CLMN: variants seen among roughly 807,000 people sequenced by gnomAD.
CLMN encodes calmin.
CLMN carries 57 observed loss-of-function variants against 92.7 expected under a neutral mutation model. That is an observed-to-expected ratio of 0.61 (90% CI 0.50 to 0.77). CLMN has a LOEUF of 0.77. Among genes scored for constraint, CLMN ranks in the 30% least tolerant of loss-of-function variants. The probability of loss-of-function intolerance (pLI) is 0.00; values close to 1 mark genes in which losing one functional copy is unlikely to be tolerated. For synonymous variants in CLMN, 466 were observed against 470.6 expected, an observed-to-expected ratio of 0.99 and a Z score of 0.13; for missense variants, 1,158 against 1,237.5, an observed-to-expected ratio of 0.94 and a Z score of 0.96.
intron 1 of CLMN, among the ~76,000 whole-genome samples, chr14:95,265,642 C>T (rs1293337716): frequency 6.6e-6 from 1 of 152,138 alleles, no homozygotes; most frequent in African/African-American, 2.4e-5. Flanking sequence ...TTGCAATTGC[C>T]CAACCATATC....
intron 4 of CLMN, among the ~76,000 whole-genome samples, chr14:95,216,889 C>T (rs935073072): frequency 6.6e-6 from 1 of 152,204 alleles, no homozygotes; most frequent in African/African-American, 2.4e-5. Context: ...GAATCAAGAA[C>T]TCTGTGGGTG....
Position 95,256,338 on chromosome 14 carries a change from T to C in CLMN, c.83-26205A>G, listed in dbSNP as rs899690095. 2.6e-5 allele frequency among the ~76,000 whole-genome samples: 4 copies of C among 152,238 alleles called. No individual in the cohort carries two copies. Among genetic ancestry groups the C allele is most frequent in the South Asian group, 2.1e-4 (1 of 4,832 alleles). On this transcript the variant is annotated intron_variant, in intron 1 of 12. Coordinates refer to ENST00000298912, the MANE Select transcript of CLMN (RefSeq NM_024734.4). This position sits in a 1 kb window ranked among gnomAD's most constrained non-coding sequence, Gnocchi z 4.9. ...CAGGCTTCATGAATGTTTAATGGGA[T>C]GGAACCCTCCTTGTTTTGTCAGCAA...
At chr14:95,228,676 CT>C (rs1897787697) in intron 2 of CLMN, among the ~76,000 whole-genome samples, 2 of 152,146 alleles carry the variant, frequency 1.3e-5, no homozygotes, top group Non-Finnish European at 2.9e-5. Flanking sequence ...ACTCTTGAAC[CT>C]TTTGTTTTGT....
chr14:95,252,371 G>A (rs115760131), intron 1 of CLMN, among the ~76,000 whole-genome samples: 1 of 152,098 alleles, frequency 6.6e-6, no homozygotes, highest in Non-Finnish European at 1.5e-5. Context: ...ATGAGAGCTG[G>A]TATTTACAAA....
chr14:95,312,636 T>C (rs1901591540), intron 1 of CLMN, among the ~76,000 whole-genome samples: 3 of 152,148 alleles, frequency 2.0e-5, no homozygotes, highest in African/African-American at 7.2e-5. Context: ...ATTCCAGCCT[T>C]CCAGGCCCCT....
intron 1 of CLMN, 75 bp from the exon 2 acceptor site, chr14:95,230,208 G>GA: frequency 7.4e-6 from 10 of 1,356,618 alleles, no homozygotes; most frequent in Non-Finnish European, 1.1e-5. Flanking sequence ...TTCCCAAGGG[G>GA]AGATTCTAGG....
At chr14:95,264,960 G>C (rs1382742330) in intron 1 of CLMN, among the ~76,000 whole-genome samples, 2 of 144,884 alleles carry the variant, frequency 1.4e-5, no homozygotes, top group East Asian at 4.0e-4. Flanking sequence ...AAAAAAATTA[G>C]CCAGGTGTGG....
intron 1 of CLMN, among the ~76,000 whole-genome samples, chr14:95,235,967 T>C (rs1266070855): frequency 6.6e-6 from 1 of 152,184 alleles, no homozygotes; most frequent in Non-Finnish European, 1.5e-5. Context: ...AAAGCCCACC[T>C]TCCCTCTGCC....
intron 1 of CLMN, among the ~76,000 whole-genome samples, chr14:95,253,208 C>A (rs1387724905): frequency 1.3e-5 from 2 of 152,214 alleles, no homozygotes; most frequent in Non-Finnish European, 1.5e-5. Context: ...AGGAAGGAAG[C>A]TTCTGCCTGC....
rs148831726 is a variant in CLMN, at chr14:95,193,906, T to C, written c.2783A>G (p.Tyr928Cys). ...HRSSESDHFS[Y>C]VQLRNAADLD... ...ATCTGCTGCGTTCCTCAACTGAACA[T>C]AGCTAAAATGATCCTACAGTGAAAT... is the stretch of plus-strand genomic sequence containing the variant. Residue 928 changes from tyrosine to cysteine, a missense_variant, in exon 12 of 13, where the codon TAT becomes TGT. Tyr to Cys is a radical substitution (Grantham distance 194). Transcript: ENST00000298912. 6,311 of 1,613,880 alleles carry C rather than the reference T, an allele frequency of 3.9e-3. 12 individuals are homozygous for C. Among genetic ancestry groups the C allele is most frequent in the Non-Finnish European group, 4.9e-3 (5,804 of 1,179,958 alleles).
At chr14:95,226,232 A>G (rs1897706763) in intron 2 of CLMN, among the ~76,000 whole-genome samples, 1 of 152,226 alleles carries the variant, frequency 6.6e-6, no homozygotes, top group Non-Finnish European at 1.5e-5. Context: ...ATCTATGCAC[A>G]TCCTCCCATA....
chr14:95,268,822 T>A (rs1476050998), intron 1 of CLMN, among the ~76,000 whole-genome samples: 2 of 118,192 alleles, frequency 1.7e-5, no homozygotes, highest in Admixed American at 8.8e-5. Context: ...TTTTTTTTTT[T>A]AGACAGAGTC....
At chr14:95,292,582 G>C (rs61982975) in intron 1 of CLMN, among the ~76,000 whole-genome samples, 25,793 of 151,708 alleles carry the variant, frequency 0.17, 2,390 homozygotes, top group Middle Eastern at 0.29. Flanking sequence ...ATAACTTCAG[G>C]TCAAAAGCCT....
chr14:95,227,602 T>C (rs1207824617), intron 2 of CLMN, among the ~76,000 whole-genome samples: 1 of 152,124 alleles, frequency 6.6e-6, no homozygotes, highest in Non-Finnish European at 1.5e-5. Context: ...CATTGACAGT[T>C]CCTATAAGAG....
At chr14:95,200,566 G>A (rs563232073) in intron 9 of CLMN, among the ~76,000 whole-genome samples, 12 of 152,248 alleles carry the variant, frequency 7.9e-5, no homozygotes, top group Middle Eastern at 3.4e-3. Flanking sequence ...CCCCAGTGCC[G>A]TAGCAGGACG....
rs1899204417 is a variant in CLMN, at chr14:95,260,428, C to T, written c.83-30295G>A. Reference sequence around the variant, plus strand: ...CTGCACTCCAGCCTGGGCAACAGAGCCAGACTCTGTCTAAAAAAAAAAAAA... The same window carrying T: ...CTGCACTCCAGCCTGGGCAACAGAGTCAGACTCTGTCTAAAAAAAAAAAAA... On this transcript the variant is annotated intron_variant, in intron 1 of 12. Coordinates refer to ENST00000298912, the MANE Select transcript of CLMN (RefSeq NM_024734.4). The T allele has an allele frequency of 2.0e-5, 3 of 150,950 alleles. 1 individual carries two copies. In the South Asian group the frequency reaches 6.3e-4, roughly 32 times the overall value. The allele number at this position is 150,950 out of a possible 1,614,324, so 9.4% of individuals were successfully genotyped here.
intron 1 of CLMN, among the ~76,000 whole-genome samples, chr14:95,292,417 C>T (rs918435945): frequency 7.3e-6 from 1 of 136,838 alleles, no homozygotes; most frequent in East Asian, 2.2e-4. Context: ...ATGAGATCTG[C>T]CCCCCAAGGG....
chr14:95,238,921 T>C (rs990077620), intron 1 of CLMN, among the ~76,000 whole-genome samples: 5 of 152,140 alleles, frequency 3.3e-5, no homozygotes, highest in Non-Finnish European at 5.9e-5. Flanking sequence ...TAGTCCCAAT[T>C]ACACACCAAA....
chr14:95,210,851 C>T lies in CLMN; in HGVS notation c.637G>A (p.Gly213Ser), dbSNP rs146838748. ...KYGVAVQDFA[G>S]SWRSGLAFLA... ...AAAGCCAGCCCACTCCTCCAACTGCCCGCAAAGTCCTGCACCGCCACGCCA... is the reference window on the plus strand; with the variant it reads ...AAAGCCAGCCCACTCCTCCAACTGCTCGCAAAGTCCTGCACCGCCACGCCA... Residue 213 changes from glycine to serine, a missense_variant, in exon 7 of 13, where the codon GGC (glycine) becomes AGC (serine). Coordinates refer to ENST00000298912, the MANE Select transcript of CLMN (RefSeq NM_024734.4). The T allele has an allele frequency of 1.4e-3, 2,156 of 1,555,944 alleles. 20 individuals carry two copies. Among genetic ancestry groups the T allele is most frequent in the Non-Finnish European group, 5.0e-4 (582 of 1,158,256 alleles).
Sources: gnomAD v4.1 joint callset for allele counts (sites outside exome capture counted in the v4.1 genomes callset) on GRCh38, gnomAD v4.1.1 for gene constraint, Gnocchi (gnomAD v3.1) non-coding constraint, MANE v1.5 for transcripts, NCBI Gene and HGNC (gene_info 2026-07-23, HGNC 2026-07-21) for gene names.